Variants in FGD5 observed in about 807,000 individuals in gnomAD.
The protein encoded by FGD5 is FYVE, RhoGEF and PH domain containing 5.
FGD5 carries 28 observed loss-of-function variants against 133.4 expected under a neutral mutation model. That is an observed-to-expected ratio of 0.21 (90% CI 0.16 to 0.29). The LOEUF is 0.29. Among genes scored for constraint, FGD5 ranks in the 10% least tolerant of loss-of-function variants. The probability of loss-of-function intolerance (pLI) is 1.00; values close to 1 mark genes in which losing one functional copy is unlikely to be tolerated. For missense variants in FGD5, 1,858 were observed against 1,895.2 expected (o/e 0.98, Z 0.36); for synonymous variants, 810 against 776.5 (o/e 1.04, Z -0.72).
At chr3:14,827,681 C>T (rs920768569) in intron 1 of FGD5, among the ~76,000 whole-genome samples, 2 of 152,110 alleles carry the variant, frequency 1.3e-5, no homozygotes, top group East Asian at 3.9e-4. Flanking sequence ...ATCAATAAGA[C>T]GAGCTTTCCT....
chr3:14,839,380 A>G (rs75311302), intron 1 of FGD5, among the ~76,000 whole-genome samples: 12,272 of 152,192 alleles, frequency 0.081, 751 homozygotes, highest in East Asian at 0.31. Context: ...GGAACCTGCT[A>G]TGCCAGCTGG....
At chr3:14,824,619 A>G (rs1310263359) in intron 1 of FGD5, among the ~76,000 whole-genome samples, 2 of 152,206 alleles carry the variant, frequency 1.3e-5, no homozygotes, top group Non-Finnish European at 2.9e-5. Flanking sequence ...CATCTGTAAA[A>G]TGGTAAGGTT....
chr3:14,930,540 T>A (rs537406829), intron 18 of FGD5, among the ~76,000 whole-genome samples: 31 of 151,436 alleles, frequency 2.0e-4, no homozygotes, highest in African/African-American at 7.5e-4. Flanking sequence ...GAGGTTGCAG[T>A]GAGCCGAGAT....
At chr3:14,923,728 G>A (rs2038732798) in intron 16 of FGD5, among the ~76,000 whole-genome samples, 1 of 152,144 alleles carries the variant, frequency 6.6e-6, no homozygotes, top group Admixed American at 6.5e-5. Context: ...TCCACTCCAC[G>A]GGGCTGGACT....
chr3:14,835,511 G>A (rs1006049347), intron 1 of FGD5, among the ~76,000 whole-genome samples: 2 of 135,552 alleles, frequency 1.5e-5, no homozygotes, highest in African/African-American at 5.6e-5. Context: ...AAAAAAAAAA[G>A]AAAAGAAAAG....
chr3:14,861,675 AC>A (rs1445830742), intron 1 of FGD5, among the ~76,000 whole-genome samples: 1 of 151,556 alleles, frequency 6.6e-6, no homozygotes, highest in Non-Finnish European at 1.5e-5. Context: ...CATGGAAACC[AC>A]CCCCTGCTTG....
intron 8 of FGD5, 54 bp downstream of exon 8, chr3:14,900,507 C>A: frequency 6.3e-7 from 1 of 1,591,444 alleles, no homozygotes; most frequent in South Asian, 1.1e-5. Flanking sequence ...TGCCTCCTTG[C>A]GCCAAAGCCT....
chr3:14,916,051 T>G (rs1349421458), intron 11 of FGD5, among the ~76,000 whole-genome samples: 1 of 152,170 alleles, frequency 6.6e-6, no homozygotes, highest in Admixed American at 6.5e-5. Flanking sequence ...GTTGGTGTCA[T>G]GTGTAGAGGA....
rs1010515336 is a variant in FGD5 at position 14,899,148 on chromosome 3, C to A, written c.3154+322C>A. On this transcript the variant is annotated intron_variant, in intron 7 of 19. Transcript: ENST00000285046. ...CTGAAGCCACGCCTGTCATCAAAGT[C>A]CTCTTGGCCATATGAGTGGACATTT... Among the ~76,000 whole-genome samples, 22 of 152,176 alleles carry A rather than the reference C, an allele frequency of 1.4e-4. 1 individual carries two copies. Among genetic ancestry groups the A allele is most frequent in the Non-Finnish European group, 2.9e-5 (2 of 68,040 alleles).
In FGD5 at chr3:14,897,561, G is replaced by T. The variant is rs1398807104; in HGVS notation, c.2801G>T (p.Arg934Ile). The change falls in exon 5 of 20, where the codon AGA becomes ATA. Residue 934 changes from arginine to isoleucine, a missense_variant. By Grantham distance (97) the Arg-to-Ile change is moderately conservative (BLOSUM62 -3). This residue lies in a region of FGD5 where 1,824 missense variants were observed against 1,848.9 expected (regional missense o/e 0.99). Coordinates refer to ENST00000285046, the MANE Select transcript of FGD5 (RefSeq NM_152536.4). ...TTGGATGACATGGACCATGAAGGCA[G>T]AGACACATTGGCCCGGGAGGAGCTG... The part of the protein sequence containing the change: ...RALDDMDHEG[R>I]DTLAREELRQ... The T allele has an allele frequency of 6.2e-7, 1 of 1,605,370 alleles. No homozygotes were observed. Among genetic ancestry groups the T allele is most frequent in the Non-Finnish European group, 8.5e-7 (1 of 1,176,074 alleles).
intron 9 of FGD5, among the ~76,000 whole-genome samples, chr3:14,901,359 C>A (rs796168993): frequency 9.2e-5 from 14 of 152,358 alleles, no homozygotes; most frequent in African/African-American, 3.1e-4. Context: ...TTCCTGGGCA[C>A]ACGTTGGATC....
chr3:14,895,239 T>A (rs2038111287), intron 4 of FGD5, among the ~76,000 whole-genome samples: 1 of 152,228 alleles, frequency 6.6e-6, no homozygotes, highest in Admixed American at 6.5e-5. Context: ...TTCGCTTTGA[T>A]TGGCTGTGCT....
At chr3:14,818,688 G>A (rs2036418991), upstream of FGD5, among the ~76,000 whole-genome samples, 1 of 152,218 alleles carries the variant, frequency 6.6e-6, no homozygotes, top group Non-Finnish European at 1.5e-5. Flanking sequence ...GAGGAGCACA[G>A]GATTTCATTT....
At chr3:14,875,349 G>A (rs2037696231) in intron 2 of FGD5, among the ~76,000 whole-genome samples, 1 of 152,196 alleles carries the variant, frequency 6.6e-6, no homozygotes, top group East Asian at 1.9e-4. Context: ...TGAAGAGGCT[G>A]GCGCATACGG....
chr3:14,880,781 A>C lies in FGD5; in HGVS notation c.2748+9A>C. 1 of 1,613,372 alleles carries C rather than the reference A, an allele frequency of 6.2e-7. No individual in the cohort carries two copies. Among genetic ancestry groups the C allele is most frequent in the South Asian group, 1.1e-5 (1 of 90,820 alleles). ...TCCAGCACTTAAATCTGGTGAGTTA[A>C]TCATTTTAATTGTCCAAAACTAATT... On this transcript the variant is annotated intron_variant, in intron 4 of 19. Transcript: ENST00000285046.
At chr3:14,854,441 G>A (rs1025169346) in intron 1 of FGD5, among the ~76,000 whole-genome samples, 8 of 95,920 alleles carry the variant, frequency 8.3e-5, no homozygotes, top group African/African-American at 1.6e-4. Context: ...TTATTGAGAC[G>A]AGCTCACTCT....
chr3:14,811,232 T>A (rs1034108454), intron 1 of FGD5: 13 of 152,042 alleles, frequency 8.6e-5, no homozygotes, highest in African/African-American at 2.9e-4. Flanking sequence ...ACCTTTGCCC[T>A]CCATTCCCCA....
chr3:14,834,034 C>G (rs2036768075), intron 1 of FGD5, among the ~76,000 whole-genome samples: 2 of 152,142 alleles, frequency 1.3e-5, no homozygotes, highest in South Asian at 4.2e-4. Context: ...TCAAATCTTA[C>G]TTGGAACCCC....
intron 1 of FGD5, among the ~76,000 whole-genome samples, chr3:14,813,239 G>C (rs1486376948): frequency 6.6e-6 from 1 of 152,206 alleles, no homozygotes; most frequent in African/African-American, 2.4e-5. Context: ...GGCTCAGAGA[G>C]GCAAAATGAT....
Sources: gnomAD v4.1 joint callset for allele counts (sites outside exome capture counted in the v4.1 genomes callset) on GRCh38, gnomAD v4.1.1 for gene constraint, gnomAD v4.1.1 regional missense constraint, MANE v1.5 for transcripts, NCBI Gene and HGNC (gene_info 2026-07-23, HGNC 2026-07-21) for gene names.